The following TBCD variants were observed in gnomAD, a reference collection of about 807,000 sequenced individuals.
The protein encoded by TBCD is tubulin-specific chaperone D.
Under a neutral mutation model 169.3 loss-of-function variants are expected in TBCD, and 105 were observed. That is an observed-to-expected ratio of 0.62 (90% CI 0.53 to 0.73). TBCD has a LOEUF of 0.73. TBCD is among the 30% of genes least tolerant of loss of function. TBCD has a pLI of 0.00. For synonymous variants in TBCD, 700 were observed against 643.9 expected (o/e 1.09, Z -1.32); for missense variants, 1,444 against 1,600.1 (o/e 0.90, Z 1.66).
intron 2 of TBCD, among the ~76,000 whole-genome samples, chr17:82,758,850 A>G (rs2047597802): frequency 6.6e-6 from 1 of 151,120 alleles, no homozygotes; most frequent in South Asian, 2.1e-4. Flanking sequence ...TAGTAGAGAC[A>G]GGGTTTCACC....
At chr17:82,817,324 C>G (rs987165321) in intron 13 of TBCD, among the ~76,000 whole-genome samples, 8 of 151,218 alleles carry the variant, frequency 5.3e-5, no homozygotes, top group Admixed American at 5.3e-4. Flanking sequence ...GAGACAGGAT[C>G]TCATTCCCAT....
intron 7 of TBCD, among the ~76,000 whole-genome samples, chr17:82,786,684 C>T (rs2049336107): frequency 6.6e-6 from 1 of 152,154 alleles, no homozygotes; most frequent in South Asian, 2.1e-4. Flanking sequence ...GGGCTGTGGG[C>T]CACTGCGTTC....
intron 34 of TBCD, among the ~76,000 whole-genome samples, chr17:82,936,958 G>A (rs1417791413): frequency 2.0e-5 from 3 of 152,346 alleles, no homozygotes; most frequent in South Asian, 2.1e-4. Flanking sequence ...CATCCTGGCC[G>A]CCGCTGTGTT....
rs74664145 is a variant in TBCD at position 82,926,989 on chromosome 17, C to A, written c.2472-197C>A. 32 of 729,390 alleles carry A rather than the reference C, an allele frequency of 4.4e-5. No individual in the cohort carries two copies. The East Asian group carries it at 8.1e-4, about 19-fold the overall frequency. The allele number at this position is 729,390 out of a possible 1,614,324, so 45.2% of individuals were successfully genotyped here. Reference sequence around the variant, plus strand: ...CCCATCCACCTTTCAACCGGAGAGACGGCAGAGCGTGACCTCGGGGAAGCA... The same window carrying A: ...CCCATCCACCTTTCAACCGGAGAGAAGGCAGAGCGTGACCTCGGGGAAGCA... On this transcript the variant is annotated intron_variant, in intron 28 of 38. Transcript: ENST00000355528.
At chr17:82,910,081 C>A (rs2060522093) in intron 22 of TBCD, among the ~76,000 whole-genome samples, 1 of 152,254 alleles carries the variant, frequency 6.6e-6, no homozygotes, top group Non-Finnish European at 1.5e-5. Flanking sequence ...GGGTTTCCAG[C>A]CTTTGGCTAT....
In TBCD at chr17:82,927,938, T is replaced by G. The variant is rs1201886949; in HGVS notation, c.2643T>G (p.Asp881Glu). The change falls in exon 30 of 39, where the codon GAT (aspartate) becomes GAG (glutamate). Residue 881 changes from aspartate to glutamate, a missense_variant. Transcript: ENST00000355528. ...AGGCCGCCATGACCAGTCTGATGGA[T>G]CTGACACTTCTGCTGGCTCGGAGCC... is the stretch of plus-strand genomic sequence containing the variant. ...VRKAAMTSLM[D>E]LTLLLARSQP... 6.2e-7 allele frequency: 1 copy of G among 1,613,436 alleles called. No homozygotes were observed. Among genetic ancestry groups the G allele is most frequent in the Non-Finnish European group, 8.5e-7 (1 of 1,179,798 alleles).
chr17:82,883,369 C>T (rs1237982997), intron 14 of TBCD, among the ~76,000 whole-genome samples: 5 of 152,276 alleles, frequency 3.3e-5, no homozygotes, highest in African/African-American at 1.2e-4. Flanking sequence ...CCACCCTGCC[C>T]CAAACCCCCT....
At chr17:82,901,763 C>CG (rs1012685473) in intron 18 of TBCD, among the ~76,000 whole-genome samples, 9 of 152,146 alleles carry the variant, frequency 5.9e-5, no homozygotes, top group African/African-American at 2.2e-4. Context: ...CTCGGGCTGC[C>CG]GGGGGAAGAC....
At chr17:82,799,747 G>A (rs1381659230) in intron 8 of TBCD, among the ~76,000 whole-genome samples, 3 of 152,198 alleles carry the variant, frequency 2.0e-5, no homozygotes, top group Admixed American at 6.5e-5. Context: ...AGGCCCTGTC[G>A]GCGGGAGGAG....
At chr17:82,859,459 C>G in intron 13 of TBCD, 3 of 812,794 alleles carry the variant, frequency 3.7e-6, no homozygotes, top group Non-Finnish European at 4.5e-6. Context: ...GTCGTCTGGC[C>G]TGCCAGCTCT....
chr17:82,756,206 C>T lies in TBCD; in HGVS notation c.226C>T (p.Pro76Ser), dbSNP rs1458979097. ...KYQEQPHLLD[P>S]HLEWMMNLLL... ...CCAGGAGCAGCCTCATCTGTTGGAC[C>T]CGCACCTTGGTAAGAATAGAAGCTG... The change falls in exon 2 of 39, where the codon CCG (proline) becomes TCG (serine). Residue 76 changes from proline to serine, a missense_variant. Transcript: ENST00000355528. 6 of 1,610,208 alleles carry T rather than the reference C, an allele frequency of 3.7e-6. No homozygotes were observed. The highest frequency in any genetic ancestry group is 5.1e-6 in the Non-Finnish European group (6 of 1,178,188).
intron 13 of TBCD, among the ~76,000 whole-genome samples, chr17:82,862,326 G>A (rs907134590): frequency 1.3e-5 from 2 of 151,966 alleles, no homozygotes; most frequent in African/African-American, 4.8e-5. Flanking sequence ...TCCCTGGAGA[G>A]CCTCAGCCTC....
In TBCD at chr17:82,785,068, A is replaced by G. The variant is rs1269385484; in HGVS notation, c.771+3347A>G. On this transcript the variant is annotated intron_variant, in intron 7 of 38. Coordinates refer to ENST00000355528, the MANE Select transcript of TBCD (RefSeq NM_005993.5). ...ACAGGGGGTCCATGCTGTGTGACTG[A>G]GACCACTGGACCCCACCCATCGCAG... 1.1e-3 allele frequency among the ~76,000 whole-genome samples: 79 copies of G among 73,206 alleles called. 1 individual carries two copies. The highest frequency in any genetic ancestry group is 6.2e-3 in the African/African-American group (72 of 11,672). 48.0% of individuals were successfully genotyped at this position (73,206 alleles called of 152,430 possible).
rs556422449 is a variant in TBCD, at chr17:82,908,564, T to C, written c.1984-721T>C. 4.8e-4 allele frequency: 152 copies of C among 318,026 alleles called. 1 individual carries two copies. Among genetic ancestry groups the C allele is most frequent in the African/African-American group, 2.9e-3 (131 of 44,666 alleles). 19.7% of individuals were successfully genotyped at this position (318,026 alleles called of 1,614,324 possible). On this transcript the variant is annotated intron_variant, in intron 21 of 38. Coordinates refer to ENST00000355528, the MANE Select transcript of TBCD (RefSeq NM_005993.5). ...CTTTAAGATTCAGCTCGGATTCTTATCCTATTTTTGCCATTAACTTTCATT... is the reference window on the plus strand; with the variant it reads ...CTTTAAGATTCAGCTCGGATTCTTACCCTATTTTTGCCATTAACTTTCATT...
At chr17:82,934,404 C>T (rs1301702836) in intron 34 of TBCD, among the ~76,000 whole-genome samples, 2 of 152,182 alleles carry the variant, frequency 1.3e-5, no homozygotes, top group Non-Finnish European at 2.9e-5. Context: ...GTTGGAACAG[C>T]CTCCATGTTC....
intron 7 of TBCD, among the ~76,000 whole-genome samples, chr17:82,796,490 C>G (rs1038941860): frequency 6.6e-6 from 1 of 152,248 alleles, no homozygotes; most frequent in Non-Finnish European, 1.5e-5. Flanking sequence ...GGCTAAGTCT[C>G]TGATCACCTT....
intron 13 of TBCD, among the ~76,000 whole-genome samples, chr17:82,867,142 G>A (rs1203993888): frequency 2.6e-5 from 4 of 152,054 alleles, no homozygotes; most frequent in African/African-American, 9.7e-5. Flanking sequence ...TCCTGGGGGT[G>A]TGGTGGGATC....
At chr17:82,761,600 C>A (rs1053486488) in intron 2 of TBCD, among the ~76,000 whole-genome samples, 3 of 152,174 alleles carry the variant, frequency 2.0e-5, no homozygotes, top group African/African-American at 7.2e-5. Flanking sequence ...TAGAATCATT[C>A]AGTATGTGCT....
chr17:82,762,962 T>C (rs1368149280), intron 2 of TBCD, among the ~76,000 whole-genome samples: 2 of 152,224 alleles, frequency 1.3e-5, no homozygotes, highest in Non-Finnish European at 2.9e-5. Context: ...TTTCCATGTA[T>C]GAAGACTTGC....
Sources: gnomAD v4.1 joint callset for allele counts (sites outside exome capture counted in the v4.1 genomes callset) on GRCh38, gnomAD v4.1.1 for gene constraint, MANE v1.5 for transcripts, NCBI Gene and HGNC (gene_info 2026-07-23, HGNC 2026-07-21) for gene names.